CHRNA2: variants seen among roughly 807,000 people sequenced by gnomAD.
The protein encoded by CHRNA2 is neuronal acetylcholine receptor subunit alpha-2.
A neutral mutation model predicts 45.5 loss-of-function variants in CHRNA2; 40 were observed. That is an observed-to-expected ratio of 0.88 (90% CI 0.68 to 1.15). The LOEUF (loss-of-function observed/expected upper bound fraction) is 1.15, where lower values mean the gene tolerates loss of function less well. Ranked by LOEUF, CHRNA2 falls within the 50% of genes most tolerant of loss-of-function variation. CHRNA2 has a pLI of 0.00. For synonymous variants in CHRNA2, 301 were observed against 296.7 expected, an observed-to-expected ratio of 1.01 and a Z score of -0.15; for missense variants, 655 against 701.7, an observed-to-expected ratio of 0.93 and a Z score of 0.75.
intron 5 of CHRNA2, among the ~76,000 whole-genome samples, chr8:27,465,654 C>T (rs1812675486): frequency 6.6e-6 from 1 of 152,160 alleles, no homozygotes; most frequent in Admixed American, 6.5e-5. Flanking sequence ...TGGTCTCAAT[C>T]TCTTGACCTC....
At position 27,463,893 on chromosome 8, in the gene CHRNA2, T is replaced by A; in HGVS notation, c.550A>T (p.Ser184Cys). The change falls in exon 6 of 7, where the codon AGC becomes TGC. Residue 184 changes from serine to cysteine, a missense_variant. Physicochemically the swap from Ser to Cys is moderately radical, Grantham distance 112. Coordinates refer to ENST00000407991, the MANE Select transcript of CHRNA2 (RefSeq NM_000742.4). This position sits in a 1 kb window ranked among gnomAD's most constrained non-coding sequence, Gnocchi z 6.1. ...AAGGGGAAGAAGGTGACGTCGATGC[T>A]GCAGGAGCTCTTGTAGATGGCCGGG... ...VPPAIYKSSC[S>C]IDVTFFPFDQ... 1 of 1,614,200 alleles carries A rather than the reference T, an allele frequency of 6.2e-7. No individual in the cohort carries two copies. The highest frequency in any genetic ancestry group is 8.5e-7 in the Non-Finnish European group (1 of 1,180,042).
chr8:27,465,537 T>C (rs569822410), intron 5 of CHRNA2, among the ~76,000 whole-genome samples: 1 of 152,124 alleles, frequency 6.6e-6, no homozygotes, highest in East Asian at 1.9e-4. Flanking sequence ...GTTCAAGCAA[T>C]TCTCCTGCCT....
At chr8:27,472,325 G>A (rs1206952862) in intron 1 of CHRNA2, among the ~76,000 whole-genome samples, 2 of 152,162 alleles carry the variant, frequency 1.3e-5, no homozygotes, top group Non-Finnish European at 2.9e-5. Context: ...ACTTGTGATC[G>A]GCATTGACAT....
chr8:27,475,544 G>A (rs933170662), intron 1 of CHRNA2: 19 of 153,428 alleles, frequency 1.2e-4, no homozygotes, highest in Non-Finnish European at 1.3e-4. Flanking sequence ...AGGAGCTAGG[G>A]GGAGGGGAGT....
In CHRNA2 at chr8:27,460,111, GA is replaced by G. The variant is rs1812420175; in HGVS notation, c.*1517del. On this transcript the variant is annotated 3_prime_UTR_variant, in exon 7 of 7. Coordinates refer to ENST00000407991, the MANE Select transcript of CHRNA2 (RefSeq NM_000742.4). ...AGGAGGGGACCCCTAGGACCAAAAG[GA>G]AACTGGAAGCTCGCCCTGCTCGGCT... 6.6e-6 allele frequency: 1 copy of G among 152,268 alleles called. No individual in the cohort carries two copies. 9.4% of individuals were successfully genotyped at this position (152,268 alleles called of 1,614,324 possible).
chr8:27,466,667 A>G (rs539727672), intron 5 of CHRNA2, among the ~76,000 whole-genome samples: 78 of 152,324 alleles, frequency 5.1e-4, no homozygotes, highest in African/African-American at 1.8e-3. Flanking sequence ...ATAGATGTCT[A>G]TTTATTCCAT....
chr8:27,472,825 G>A (rs1253237178), intron 1 of CHRNA2, among the ~76,000 whole-genome samples: 9 of 152,088 alleles, frequency 5.9e-5, no homozygotes, highest in African/African-American at 2.2e-4. Flanking sequence ...CTCAAAAAAA[G>A]TTATTATTAA....
chr8:27,472,543 CAGTT>C (rs942140406), intron 1 of CHRNA2, among the ~76,000 whole-genome samples: 3 of 152,122 alleles, frequency 2.0e-5, no homozygotes, highest in African/African-American at 7.2e-5. Flanking sequence ...CAGAGAAAAA[CAGTT>C]TGTGGTTTTT....
rs544939077 is a variant in CHRNA2, at chr8:27,469,350, G to A, written c.324C>T (p.Asn108=). ...GGGCCCTCACCTGTTTTAGCCAGAC[G>A]TTGGTGGTCATCATTTGGTTCTTCT... ...VDEKNQMMTT[N]VWLKQEWSDY... Residue 108 remains asparagine, a synonymous_variant, in exon 4 of 7, where the codon AAC becomes AAT. Transcript: ENST00000407991. 2.9e-5 allele frequency: 45 copies of A among 1,556,868 alleles called. No individual in the cohort carries two copies. The highest frequency in any genetic ancestry group is 1.5e-4 in the South Asian group (13 of 84,486).
intron 4 of CHRNA2, 103 bp from the exon 5 acceptor site, chr8:27,467,441 T>A (rs571461388): frequency 1.1e-6 from 1 of 888,942 alleles, no homozygotes; most frequent in Non-Finnish European, 1.8e-6. Flanking sequence ...AGCAGCCCCC[T>A]TGGAGCAGCC....
intron 2 of CHRNA2, 83 bp from the exon 3 acceptor site, chr8:27,470,064 C>T (rs1292783436): frequency 7.9e-7 from 1 of 1,266,576 alleles, no homozygotes; most frequent in Admixed American, 2.0e-5. Flanking sequence ...CAGAACCTAT[C>T]TCAAAACATT....
At chr8:27,461,781 AG>A (rs776061785) in intron 6 of CHRNA2, 27 bp from the exon 7 acceptor site, 1 of 1,613,870 alleles carries the variant, frequency 6.2e-7, no homozygotes, top group East Asian at 2.2e-5. Context: ...ACACAGTGAC[AG>A]GGGCCAGGCC....
intron 2 of CHRNA2, 195 bp from the exon 3 acceptor site, chr8:27,470,176 AAGAAAAGAGTG>A: frequency 4.6e-6 from 3 of 656,080 alleles, no homozygotes; most frequent in Non-Finnish European, 8.1e-6. Flanking sequence ...GATGTTAGAG[AAGAAAAGAGTG>A]AGAACTAGTG....
intron 1 of CHRNA2, 68 bp from the exon 2 acceptor site, chr8:27,471,262 T>C (rs1812875565): frequency 3.6e-6 from 2 of 560,606 alleles, no homozygotes; most frequent in African/African-American, 1.9e-5. Context: ...CTGTTTCTCA[T>C]GCTCCACACA....
chr8:27,465,487 A>G (rs549816882), intron 5 of CHRNA2, among the ~76,000 whole-genome samples: 1 of 152,250 alleles, frequency 6.6e-6, no homozygotes, highest in South Asian at 2.1e-4. Context: ...GCTGGAGTGC[A>G]GGGGTGTGAT....
intron 2 of CHRNA2, among the ~76,000 whole-genome samples, chr8:27,470,529 C>A (rs1321258352): frequency 6.6e-6 from 1 of 152,234 alleles, no homozygotes; most frequent in East Asian, 1.9e-4. Flanking sequence ...TCTATGGCAT[C>A]GCTCATGTCA....
chr8:27,471,160 G>T lies in CHRNA2; in HGVS notation c.-102C>A. On this transcript the variant is annotated 5_prime_UTR_variant, in exon 2 of 7. Transcript: ENST00000407991. ...TGCTGCTGGATTCTGTGAGGATTCT[G>T]CTGGATTCTGCGAGGCTTCCTCTCA... 1 of 1,136,960 alleles carries T rather than the reference G, an allele frequency of 8.8e-7. No homozygotes were observed. Among genetic ancestry groups the T allele is most frequent in the Non-Finnish European group, 1.3e-6 (1 of 764,172 alleles). 70.4% of individuals were successfully genotyped at this position (1,136,960 alleles called of 1,614,324 possible). A position where few individuals can be genotyped will look rare whatever the true frequency, so the allele number is the denominator to read the frequency against.
At position 27,469,326 on chromosome 8, in the gene CHRNA2, G is replaced by A; in HGVS notation, c.339+9C>T. 1.3e-6 allele frequency: 2 copies of A among 1,546,116 alleles called. No individual in the cohort carries two copies. Among genetic ancestry groups the A allele is most frequent in the East Asian group, 2.5e-5 (1 of 40,752 alleles). ...CCCGCCACCTGGACTGGAGGAGGGG[G>A]GCCCTCACCTGTTTTAGCCAGACGT... On this transcript the variant is annotated intron_variant, in intron 4 of 6. Transcript: ENST00000407991.
At chr8:27,476,635 G>A (rs1813068724) in intron 1 of CHRNA2, among the ~76,000 whole-genome samples, 1 of 152,114 alleles carries the variant, frequency 6.6e-6, no homozygotes, top group Non-Finnish European at 1.5e-5. Flanking sequence ...CTTTCTACCT[G>A]GAGGATTTAG....
Sources: allele counts gnomAD v4.1 joint callset (sites outside exome capture counted in the v4.1 genomes callset), GRCh38; gene constraint gnomAD v4.1.1; non-coding constraint Gnocchi (gnomAD v3.1); transcripts MANE v1.5; gene names NCBI Gene and HGNC (gene_info 2026-07-23, HGNC 2026-07-21).